STK10: variants seen among roughly 807,000 people sequenced by gnomAD.
STK10 encodes serine/threonine-protein kinase 10.
A neutral mutation model predicts 113.8 loss-of-function variants in STK10; 78 were observed. That is an observed-to-expected ratio of 0.69 (90% CI 0.57 to 0.83). STK10 has a LOEUF of 0.83. Among genes scored for constraint, STK10 ranks in the 40% least tolerant of loss-of-function variants. STK10 has a pLI of 0.00. For synonymous variants in STK10, 465 were observed against 494.7 expected (o/e 0.94, Z 0.80); for missense variants, 1,109 against 1,280.1 (o/e 0.87, Z 2.04).
rs1269590124 is a variant in STK10, at chr5:172,154,492, C to G, written c.321+2132G>C. Among the ~76,000 whole-genome samples the G allele has an allele frequency of 2.0e-5, 3 of 152,296 alleles. No individual in the cohort carries two copies. The East Asian group carries it at 5.8e-4, about 29-fold the overall frequency. On this transcript the variant is annotated intron_variant, in intron 2 of 18. Coordinates refer to ENST00000176763, the MANE Select transcript of STK10 (RefSeq NM_005990.4). ...CCATCCTTTCCCCCTCTTTATCTAC[C>G]CAGCTCCAGGGCCACCTTCCTTGAT... is the stretch of plus-strand genomic sequence containing the variant.
At chr5:172,086,801 G>A (rs115480525) in intron 10 of STK10, among the ~76,000 whole-genome samples, 1 of 152,280 alleles carries the variant, frequency 6.6e-6, no homozygotes, top group African/African-American at 2.4e-5. Flanking sequence ...CCCGGTTCCT[G>A]CCGAGCACCT....
At chr5:172,052,871 C>T in intron 18 of STK10, 58 bp downstream of exon 18, 2 of 1,529,296 alleles carry the variant, frequency 1.3e-6, no homozygotes, top group Non-Finnish European at 1.8e-6. Flanking sequence ...TGGCCAGAGG[C>T]CTGTGCATGG....
chr5:172,106,785 GT>G lies in STK10; in HGVS notation c.622del (p.Thr208ProfsTer2). The stretch of plus-strand genomic sequence containing the variant: ...GTAGTCGTAGGGCGTGTCTTTCATG[GT>G]CTCACACATGACCACCTCGGGGGCC... ...WMAPEVVMCE[T>X]MKDTPYDYKA... On this transcript the variant is annotated frameshift_variant, in exon 6 of 19. Coordinates refer to ENST00000176763, the MANE Select transcript of STK10 (RefSeq NM_005990.4). LOFTEE classifies it high-confidence loss of function. 6.2e-7 allele frequency: 1 copy of G among 1,614,132 alleles called. No homozygotes were observed. Among genetic ancestry groups the G allele is most frequent in the Non-Finnish European group, 8.5e-7 (1 of 1,179,998 alleles).
At chr5:172,146,867 G>A (rs1770097859) in intron 2 of STK10, among the ~76,000 whole-genome samples, 1 of 152,182 alleles carries the variant, frequency 6.6e-6, no homozygotes, top group South Asian at 2.1e-4. Context: ...ACAGGCAGTG[G>A]ACACCAGCTG....
chr5:172,104,596 G>C (rs566628988), intron 7 of STK10, among the ~76,000 whole-genome samples: 14 of 152,320 alleles, frequency 9.2e-5, no homozygotes, highest in African/African-American at 3.1e-4. Context: ...CTAATGCACA[G>C]ATAAAGCCCA....
At chr5:172,075,613 G>A (rs1293108021) in intron 12 of STK10, among the ~76,000 whole-genome samples, 1 of 152,174 alleles carries the variant, frequency 6.6e-6, no homozygotes, top group Non-Finnish European at 1.5e-5. Context: ...GAAGGTGGTG[G>A]AGGTTGCAGT....
chr5:172,118,740 G>A (rs1022095758), intron 3 of STK10, among the ~76,000 whole-genome samples: 8 of 151,988 alleles, frequency 5.3e-5, no homozygotes, highest in Admixed American at 1.3e-4. Flanking sequence ...CTAGCTGGGC[G>A]TGGTGGTGCA....
chr5:172,107,945 T>G, intron 4 of STK10, 93 bp from the exon 5 acceptor site: 1 of 996,636 alleles, frequency 1.0e-6, no homozygotes, highest in Non-Finnish European at 1.5e-6. Context: ...CCAAGTCGAC[T>G]AACAGATGCC....
At position 172,092,135 on chromosome 5, in the gene STK10, G is replaced by A. The variant is rs78659984; in HGVS notation, c.1554+1277C>T. 7.5e-4 allele frequency among the ~76,000 whole-genome samples: 114 copies of A among 152,350 alleles called. No individual in the cohort carries two copies. The East Asian group carries it at 0.019, about 26-fold the overall frequency. On this transcript the variant is annotated intron_variant, in intron 9 of 18. Transcript: ENST00000176763. Reference sequence around the variant, plus strand: ...GCCAGGACCCAGTCAGGATGGGTCAGGCCAGCAGTGAGAAGTAGAGGCCGG... The same window carrying A: ...GCCAGGACCCAGTCAGGATGGGTCAAGCCAGCAGTGAGAAGTAGAGGCCGG...
intron 14 of STK10, 98 bp from the exon 15 acceptor site, chr5:172,057,571 A>G: frequency 1.4e-6 from 2 of 1,481,300 alleles, no homozygotes; most frequent in East Asian, 5.0e-5. Flanking sequence ...CATGCTGGAG[A>G]TGATAACCAA....
At chr5:172,184,594 C>T (rs73314195) in intron 1 of STK10, among the ~76,000 whole-genome samples, 2,980 of 152,132 alleles carry the variant, frequency 0.02, 90 homozygotes, top group African/African-American at 0.063. Context: ...CGGAGGTAGG[C>T]GGAGAGGGCT....
chr5:172,052,735 A>G (rs1332407940), intron 18 of STK10, among the ~76,000 whole-genome samples, 194 bp downstream of exon 18: 1 of 152,196 alleles, frequency 6.6e-6, no homozygotes, highest in Non-Finnish European at 1.5e-5. Context: ...CTGCCCTTCC[A>G]GAGGTGGAAG....
rs867434708 is a variant in STK10 at position 172,182,707 on chromosome 5, C to A, written c.156+5180G>T. Among the ~76,000 whole-genome samples the A allele has an allele frequency of 3.3e-5, 5 of 151,844 alleles. No individual in the cohort carries two copies. In the South Asian group the frequency reaches 1.0e-3, roughly 32 times the overall value. On this transcript the variant is annotated intron_variant, in intron 1 of 18. Coordinates refer to ENST00000176763, the MANE Select transcript of STK10 (RefSeq NM_005990.4). The stretch of plus-strand genomic sequence containing the variant: ...CAGCTGGGATTACAGGCGCCCACCA[C>A]CACGCCTGGCTAATTTTTGTATTTT...
chr5:172,096,438 C>CACG lies in STK10; in HGVS notation c.990_992dup (p.Val331dup). On this transcript the variant is annotated inframe_insertion, in exon 8 of 19. Coordinates refer to ENST00000176763, the MANE Select transcript of STK10 (RefSeq NM_005990.4). ...TCCCTGGCCTTACGGAGGCGGCATC[C>CACG]ACGGCGTCCTCCTCTTCCCCCTCAT... The CACG allele has an allele frequency of 6.2e-7, 1 of 1,612,716 alleles. No individual in the cohort carries two copies. The highest frequency in any genetic ancestry group is 8.5e-7 in the Non-Finnish European group (1 of 1,179,960).
chr5:172,143,014 G>A (rs1770009845), intron 2 of STK10, among the ~76,000 whole-genome samples: 1 of 152,206 alleles, frequency 6.6e-6, no homozygotes, highest in Admixed American at 6.5e-5. Flanking sequence ...AGATAAGGGT[G>A]AGCCTGGACC....
chr5:172,139,545 C>A (rs2113799805), intron 2 of STK10, among the ~76,000 whole-genome samples: 1 of 149,426 alleles, frequency 6.7e-6, no homozygotes, highest in East Asian at 2.0e-4. Context: ...AAAACCTTGA[C>A]ATATATAGTC....
chr5:172,174,434 A>G (rs1770718480), intron 1 of STK10, among the ~76,000 whole-genome samples: 1 of 152,006 alleles, frequency 6.6e-6, no homozygotes, highest in Non-Finnish European at 1.5e-5. Flanking sequence ...GGCCTCCCAA[A>G]GTGCTGGGAT....
chr5:172,095,597 T>TTGTGATGATTCCGC (rs1768830900), intron 8 of STK10, among the ~76,000 whole-genome samples: 1 of 152,240 alleles, frequency 6.6e-6, no homozygotes, highest in East Asian at 1.9e-4. Context: ...GCGGGGGTGG[T>TTGTGATGATTCCGC]TGTGATGATT....
intron 1 of STK10, among the ~76,000 whole-genome samples, chr5:172,186,245 C>G (rs1770952635): frequency 6.6e-6 from 1 of 151,922 alleles, no homozygotes; most frequent in South Asian, 2.1e-4. Flanking sequence ...CACCGCACTC[C>G]AGCTTGGGCA....
Sources: gnomAD v4.1 joint callset for allele counts (sites outside exome capture counted in the v4.1 genomes callset) on GRCh38, gnomAD v4.1.1 for gene constraint, MANE v1.5 for transcripts, NCBI Gene and HGNC (gene_info 2026-07-23, HGNC 2026-07-21) for gene names.